DHX8: variants seen among roughly 807,000 people sequenced by gnomAD.
DHX8 encodes DEAH-box helicase 8.
DHX8 carries 67 observed loss-of-function variants against 140.7 expected under a neutral mutation model. The observed-to-expected ratio is 0.48, with a 90% confidence interval of 0.39 to 0.58. DHX8 has a LOEUF of 0.58. Among genes scored for constraint, DHX8 ranks in the 20% least tolerant of loss-of-function variants. DHX8 has a pLI of 0.00. For synonymous variants in DHX8, 533 were observed against 553.2 expected (o/e 0.96, Z 0.51); for missense variants, 887 against 1,550.7 (o/e 0.57, Z 7.19).
chr17:43,490,411 G>A lies in DHX8; in HGVS notation c.255G>A (p.Leu85=). The A allele has an allele frequency of 6.2e-7, 1 of 1,613,620 alleles. No homozygotes were observed. Among genetic ancestry groups the A allele is most frequent in the Non-Finnish European group, 8.5e-7 (1 of 1,179,892 alleles). Residue 85 remains leucine, a synonymous_variant, in exon 3 of 23, where the codon TTG becomes TTA. Transcript: ENST00000262415. The part of the protein sequence containing the change: ...AEFTDSLISN[L]LRLIQTMRPP... ...CAAAGGATTCTCTTATTAGTAACTT[G>A]CTGCGTCTCATACAAACCATGCGGC...
At chr17:43,534,802 GT>G (rs1971148790) in intron 2 of DHX8, among the ~76,000 whole-genome samples, 1 of 151,932 alleles carries the variant, frequency 6.6e-6, no homozygotes, top group Non-Finnish European at 1.5e-5. Context: ...TTAGCCGGGC[GT>G]GGTGGCACAT....
At chr17:43,529,463 A>C, downstream of DHX8, 1 of 1,576,530 alleles carries the variant, frequency 6.3e-7, no homozygotes, top group South Asian at 1.2e-5. Context: ...TCCAGGCTGT[A>C]AACTTTGGAA....
intron 3 of DHX8, 142 bp downstream of exon 3, chr17:43,490,605 G>A: frequency 1.5e-6 from 1 of 682,430 alleles, no homozygotes; most frequent in Non-Finnish European, 2.4e-6. Context: ...GGGCCTAGCG[G>A]CTCACTGCTG....
intron 2 of DHX8, among the ~76,000 whole-genome samples, chr17:43,531,901 C>G (rs1431482097): frequency 6.6e-6 from 1 of 152,196 alleles, no homozygotes; most frequent in Non-Finnish European, 1.5e-5. Flanking sequence ...GTTCCTGTCA[C>G]AGTAGTTTGG....
intron 16 of DHX8, among the ~76,000 whole-genome samples, chr17:43,512,528 A>G (rs1969900025): frequency 6.6e-6 from 1 of 152,134 alleles, no homozygotes; most frequent in Non-Finnish European, 1.5e-5. Flanking sequence ...GGGCAGCTGG[A>G]TGGAAGATGG....
At chr17:43,532,320 G>A (rs1344370365) in intron 2 of DHX8, among the ~76,000 whole-genome samples, 3 of 152,248 alleles carry the variant, frequency 2.0e-5, no homozygotes, top group Admixed American at 2.0e-4. Flanking sequence ...CCAGCATGGC[G>A]AAACCCCATC....
At chr17:43,488,082 A>G (rs974808970) in intron 1 of DHX8, among the ~76,000 whole-genome samples, 1 of 152,152 alleles carries the variant, frequency 6.6e-6, no homozygotes, top group South Asian at 2.1e-4. Context: ...GTTCGAGACC[A>G]GCCTGGCCAA....
At chr17:43,543,276 A>ACTCTCTCTCTCTCTCTCTCTCT (rs60214474) in intron 3 of DHX8, among the ~76,000 whole-genome samples, 13 of 138,256 alleles carry the variant, frequency 9.4e-5, no homozygotes, top group African/African-American at 3.5e-4. Flanking sequence ...ACACACACAC[A>ACTCTCTCTCTCTCTCTCTCTCT]CTCTCTCTCT....
At chr17:43,494,834 C>T (rs1350302940) in intron 8 of DHX8, among the ~76,000 whole-genome samples, 12 of 137,920 alleles carry the variant, frequency 8.7e-5, no homozygotes, top group South Asian at 2.3e-4. Flanking sequence ...TTAATTGAGA[C>T]GGAGTCTCGC....
chr17:43,505,608 T>C (rs551841957), intron 12 of DHX8, among the ~76,000 whole-genome samples: 2 of 152,240 alleles, frequency 1.3e-5, no homozygotes, highest in African/African-American at 4.8e-5. Flanking sequence ...CACATACTTA[T>C]GTATGTGTCT....
chr17:43,536,942 T>G (rs1448533300), intron 3 of DHX8, among the ~76,000 whole-genome samples: 1 of 152,258 alleles, frequency 6.6e-6, no homozygotes, highest in Non-Finnish European at 1.5e-5. Context: ...GCTTTGTCTT[T>G]ATTTCCTCCA....
chr17:43,493,927 A>G (rs1010879859), intron 8 of DHX8, 41 bp downstream of exon 8: 4 of 1,607,284 alleles, frequency 2.5e-6, no homozygotes, highest in Non-Finnish European at 3.4e-6. Context: ...GTCATTCAGC[A>G]TGTAGCATGG....
rs370888584 is a variant in DHX8, at chr17:43,536,364, C to G, written c.351-48C>G. 134 of 1,425,758 alleles carry G rather than the reference C, an allele frequency of 9.4e-5. No homozygotes were observed. The African/African-American group carries it at 1.7e-3, about 18-fold the overall frequency. The allele number at this position is 1,425,758 out of a possible 1,614,324, so 88.3% of individuals were successfully genotyped here. The stretch of plus-strand genomic sequence containing the variant: ...AGCTGCTCTCTTGTGATTCTCTATC[C>G]TATGACTCACTTCCTGCCATCCTCC... On this transcript the variant is annotated intron_variant, in intron 2 of 3. Coordinates refer to the DHX8 transcript ENST00000589898.
At chr17:43,520,923 T>A in intron 20 of DHX8, 44 bp downstream of exon 20, 1 of 1,557,296 alleles carries the variant, frequency 6.4e-7, no homozygotes, top group Non-Finnish European at 8.7e-7. Context: ...GCCATGAAGT[T>A]GGGGTAGTTG....
chr17:43,516,412 A>G (rs1970116812), intron 17 of DHX8, among the ~76,000 whole-genome samples: 1 of 152,100 alleles, frequency 6.6e-6, no homozygotes, highest in African/African-American at 2.4e-5. Flanking sequence ...TTCTTCTGTC[A>G]TTTAACATTG....
downstream of DHX8, chr17:43,529,877 C>A: frequency 6.2e-7 from 1 of 1,614,162 alleles, no homozygotes; most frequent in Non-Finnish European, 8.5e-7. Context: ...ACAGTCACTT[C>A]TCTGACCTTC....
Position 43,507,032 on chromosome 17 carries a change from C to A in DHX8, c.1758C>A (p.Val586=). ...TCCATGACAATCAGATCCTGATTGT[C>A]ATTGGTGAGACAGGATCTGGAAAGA... is the stretch of plus-strand genomic sequence containing the variant. ...QAVHDNQILI[V]IGETGSGKTT... is the part of the protein sequence containing the mutation. Residue 586 remains valine (V), a synonymous_variant, in exon 13 of 23, where the codon GTC becomes GTA. Transcript: ENST00000262415. 1 of 1,610,282 alleles carries A rather than the reference C, an allele frequency of 6.2e-7. No individual in the cohort carries two copies. Among genetic ancestry groups the A allele is most frequent in the South Asian group, 1.1e-5 (1 of 90,288 alleles).
intron 16 of DHX8, among the ~76,000 whole-genome samples, chr17:43,510,126 G>A (rs1253875726): frequency 6.6e-6 from 1 of 151,962 alleles, no homozygotes; most frequent in African/African-American, 2.4e-5. Flanking sequence ...TTGGCTCACC[G>A]CAACCTCCGC....
chr17:43,540,964 G>C (rs1013237798), intron 3 of DHX8, among the ~76,000 whole-genome samples: 1 of 152,140 alleles, frequency 6.6e-6, no homozygotes, highest in Non-Finnish European at 1.5e-5. Flanking sequence ...TGGGCTGGGG[G>C]TATCTCTTGC....
Sources: gnomAD v4.1 joint callset for allele counts (sites outside exome capture counted in the v4.1 genomes callset) on GRCh38, gnomAD v4.1.1 for gene constraint, MANE v1.5 for transcripts, NCBI Gene and HGNC (gene_info 2026-07-23, HGNC 2026-07-21) for gene names.